SLC12A6: variants seen among roughly 807,000 people sequenced by gnomAD.
The protein encoded by SLC12A6 is solute carrier family 12 member 6.
Under a neutral mutation model 135.3 loss-of-function variants are expected in SLC12A6, and 66 were observed. The observed-to-expected ratio is 0.49, with a 90% CI of 0.40 to 0.60. The LOEUF (loss-of-function observed/expected upper bound fraction) is 0.60, where lower values mean the gene tolerates loss of function less well. Among genes scored for constraint, SLC12A6 ranks in the 20% least tolerant of loss-of-function variants. SLC12A6 has a pLI of 0.00. For synonymous variants in SLC12A6, 513 were observed against 508.8 expected (o/e 1.01, Z -0.11); for missense variants, 1,058 against 1,452.3 (o/e 0.73, Z 4.41).
chr15:34,257,066 T>C lies in SLC12A6; in HGVS notation c.690+576A>G, dbSNP rs572366784. Among the ~76,000 whole-genome samples, 34 of 152,262 alleles carry C rather than the reference T, an allele frequency of 2.2e-4. No individual in the cohort carries two copies. The South Asian group carries it at 4.6e-3, about 20-fold the overall frequency. On this transcript the variant is annotated intron_variant, in intron 6 of 25. Transcript: ENST00000354181. The stretch of plus-strand genomic sequence containing the variant: ...ATATACAGGTAGGGTATAAAGGTCA[T>C]AGTGATAAAAAAGGACAGTAGAAAA...
At position 34,254,449 on chromosome 15, in the gene SLC12A6, A is replaced by G. The variant is rs373193470; in HGVS notation, c.1017T>C (p.Tyr339=). Residue 339 remains tyrosine, a synonymous_variant, in exon 9 of 26, where the codon TAT becomes TAC. Transcript: ENST00000354181. Reference sequence around the variant, plus strand: ...GGAAAAGTGAGGCAAACTTGTTCACATAGCGTACGCCGATAAATACCACTA... The same window carrying G: ...GGAAAAGTGAGGCAAACTTGTTCACGTAGCGTACGCCGATAAATACCACTA... ...MVLVVFIGVR[Y]VNKFASLFLA... The G allele has an allele frequency of 5.0e-6, 8 of 1,614,078 alleles. No individual in the cohort carries two copies. The African/African-American group carries it at 5.3e-5, about 11-fold the overall frequency.
intron 2 of SLC12A6, among the ~76,000 whole-genome samples, chr15:34,292,946 AATC>A (rs1895641909): frequency 6.6e-6 from 1 of 152,148 alleles, no homozygotes; most frequent in South Asian, 2.1e-4. Flanking sequence ...AGGAAAGGGA[AATC>A]CCCCGACCCC....
In SLC12A6 at chr15:34,232,188, A is replaced by G. The variant is rs1354577692; in HGVS notation, c.*1693T>C. The G allele has an allele frequency of 6.6e-6, 1 of 152,182 alleles. No homozygotes were observed. Among genetic ancestry groups the G allele is most frequent in the African/African-American group, 2.4e-5 (1 of 41,446 alleles). The allele number at this position is 152,182 out of a possible 1,614,324, so 9.4% of individuals were successfully genotyped here. On this transcript the variant is annotated 3_prime_UTR_variant, in exon 26 of 26. Coordinates refer to ENST00000354181, the MANE Select transcript of SLC12A6 (RefSeq NM_001365088.1). ...TGTAAGCCAGATGTTTGATCAGTAT[A>G]TTAGTAAATAAAAAGCTGAGCTTAC...
chr15:34,308,982 C>G (rs1232019040), intron 2 of SLC12A6, among the ~76,000 whole-genome samples: 2 of 152,130 alleles, frequency 1.3e-5, no homozygotes, highest in Admixed American at 6.5e-5. Context: ...AAATCTGTCA[C>G]TTAAATAATC....
At chr15:34,276,041 G>C (rs544924342) in intron 2 of SLC12A6, among the ~76,000 whole-genome samples, 1 of 152,000 alleles carries the variant, frequency 6.6e-6, no homozygotes, top group Admixed American at 6.6e-5. Flanking sequence ...AGTGGTAATG[G>C]GTGTACAACA....
chr15:34,292,239 A>G (rs913058167), intron 2 of SLC12A6, among the ~76,000 whole-genome samples: 6 of 152,178 alleles, frequency 3.9e-5, no homozygotes, highest in Non-Finnish European at 8.8e-5. Flanking sequence ...TCTAACAGAC[A>G]GGCCACTCAG....
chr15:34,263,121 A>C (rs1413394262), intron 3 of SLC12A6, among the ~76,000 whole-genome samples: 1 of 151,490 alleles, frequency 6.6e-6, no homozygotes, highest in Non-Finnish European at 1.5e-5. Flanking sequence ...ATCCAAAATA[A>C]AAGTTGAAAA....
intron 13 of SLC12A6, among the ~76,000 whole-genome samples, 154 bp downstream of exon 13, chr15:34,250,144 A>G (rs773492367): frequency 6.6e-6 from 1 of 152,172 alleles, no homozygotes; most frequent in African/African-American, 2.4e-5. Context: ...AGCTCATGCA[A>G]TCCACCTGCC....
intron 21 of SLC12A6, 105 bp downstream of exon 21, chr15:34,238,127 A>C: frequency 1.2e-6 from 1 of 845,494 alleles, no homozygotes. Flanking sequence ...AACTCTTCTG[A>C]TTCTAAACCC....
intron 2 of SLC12A6, among the ~76,000 whole-genome samples, chr15:34,292,488 C>T (rs988647979): frequency 2.0e-5 from 3 of 152,198 alleles, no homozygotes; most frequent in African/African-American, 7.2e-5. Context: ...TCTTAGAGCT[C>T]AAACATCACG....
intron 15 of SLC12A6, 72 bp downstream of exon 15, chr15:34,245,213 T>C (rs1231085561): frequency 1.2e-5 from 10 of 868,182 alleles, no homozygotes; most frequent in Non-Finnish European, 2.0e-5. Flanking sequence ...TACTGTTATA[T>C]GACTGATGGA....
chr15:34,255,783 T>G (rs1188593020), intron 7 of SLC12A6, among the ~76,000 whole-genome samples: 3 of 148,860 alleles, frequency 2.0e-5, no homozygotes, highest in African/African-American at 7.5e-5. Flanking sequence ...CCAAACTGGG[T>G]AACATAGTAA....
rs911947081 is a variant in SLC12A6 at position 34,252,861 on chromosome 15, G to C, written c.1119-477C>G. ...AAAGCACTCCTCTTTTTTTGGCCTA[G>C]AAAAGCCTAACATTCATAACAAACA... On this transcript the variant is annotated intron_variant, in intron 9 of 25. Transcript: ENST00000354181. Among the ~76,000 whole-genome samples the C allele has an allele frequency of 4.7e-4, 71 of 152,064 alleles. 1 individual carries two copies. The highest frequency in any genetic ancestry group is 1.5e-4 in the Non-Finnish European group (10 of 67,984).
At chr15:34,336,925 A>C in intron 1 of SLC12A6, 173 bp from the exon 2 acceptor site, 3 of 545,286 alleles carry the variant, frequency 5.5e-6, no homozygotes, top group Non-Finnish European at 9.8e-6. Flanking sequence ...AAAAAACAAA[A>C]AGACAAAACA....
rs903504082 is a variant in SLC12A6 at position 34,237,019 on chromosome 15, C to T, written c.2935-204G>A. The stretch of plus-strand genomic sequence containing the variant: ...AATTCAGAGGCCCTGAGAGTCTTTT[C>T]CATAATCTAACCAAGACATGTGTTG... On this transcript the variant is annotated intron_variant, in intron 22 of 25. Coordinates refer to ENST00000354181, the MANE Select transcript of SLC12A6 (RefSeq NM_001365088.1). The T allele has an allele frequency of 5.1e-6, 3 of 586,272 alleles. 1 individual carries two copies. The highest frequency in any genetic ancestry group is 9.3e-4 in the Middle Eastern group (2 of 2,146). 36.3% of individuals were successfully genotyped at this position (586,272 alleles called of 1,614,324 possible).
At chr15:34,256,847 A>C (rs556206442) in intron 6 of SLC12A6, among the ~76,000 whole-genome samples, 15 of 152,344 alleles carry the variant, frequency 9.8e-5, no homozygotes, top group African/African-American at 3.4e-4. Flanking sequence ...GTGAATAAAA[A>C]GGGCTGAGTG....
At chr15:34,252,435 TA>T (rs758684473) in intron 9 of SLC12A6, 51 bp from the exon 10 acceptor site, 581 of 1,089,940 alleles carry the variant, frequency 5.3e-4, no homozygotes, top group Non-Finnish European at 6.5e-4. Flanking sequence ...AAAAGTACAT[TA>T]AAAAAAAAGG....
At chr15:34,237,258 C>A in intron 22 of SLC12A6, 161 bp downstream of exon 22, 1 of 608,096 alleles carries the variant, frequency 1.6e-6, no homozygotes, top group South Asian at 2.0e-5. Context: ...ATACATTCTA[C>A]TTAGGGCAAC....
chr15:34,261,111 A>T, intron 3 of SLC12A6, 91 bp from the exon 4 acceptor site: 1 of 757,346 alleles, frequency 1.3e-6, no homozygotes, highest in South Asian at 1.4e-5. Context: ...CTTCGGTATT[A>T]ATATAACCCA....
Sources: allele counts gnomAD v4.1 joint callset (sites outside exome capture counted in the v4.1 genomes callset), GRCh38; gene constraint gnomAD v4.1.1; transcripts MANE v1.5; gene names NCBI Gene and HGNC (gene_info 2026-07-23, HGNC 2026-07-21).